CNTN3: variants seen among roughly 807,000 people sequenced by gnomAD.
The protein encoded by CNTN3 is contactin-3.
Under a neutral mutation model 119.1 loss-of-function variants are expected in CNTN3, and 60 were observed. That is an observed-to-expected ratio of 0.50 (90% CI 0.41 to 0.62). The LOEUF is 0.62. CNTN3 is among the 20% of genes least tolerant of loss of function. CNTN3 has a pLI of 0.00. For synonymous variants in CNTN3, 450 were observed against 438.7 expected (o/e 1.03, Z -0.32); for missense variants, 1,101 against 1,242.4 (o/e 0.89, Z 1.71).
intron 5 of CNTN3, among the ~76,000 whole-genome samples, chr3:74,400,325 A>G (rs1400735629): frequency 6.6e-6 from 1 of 152,154 alleles, no homozygotes; most frequent in African/African-American, 2.4e-5. Context: ...GGGAACACCA[A>G]AGTTCAGAGC....
At chr3:74,525,644 C>T (rs189245927) in intron 1 of CNTN3, among the ~76,000 whole-genome samples, 1 of 151,952 alleles carries the variant, frequency 6.6e-6, no homozygotes, top group African/African-American at 2.4e-5. Context: ...ATTTTCCGTG[C>T]TAATAGACAT....
chr3:74,298,195 T>C lies in CNTN3; in HGVS notation c.2167-4A>G, dbSNP rs1702380638. The C allele has an allele frequency of 6.4e-7, 1 of 1,559,946 alleles. No individual in the cohort carries two copies. Among genetic ancestry groups the C allele is most frequent in the Non-Finnish European group, 8.7e-7 (1 of 1,149,890 alleles). ...TCTGTAGTTCTTCAGGGACTGGCTA[T>C]AAAGGAAAGACATACTGAATCACCC... On this transcript the variant is annotated splice_region_variant and splice_polypyrimidine_tract_variant and intron_variant, in intron 17 of 22. Coordinates refer to ENST00000263665, the MANE Select transcript of CNTN3 (RefSeq NM_020872.3).
intron 2 of CNTN3, among the ~76,000 whole-genome samples, chr3:74,514,777 G>A (rs1332177654): frequency 2.0e-5 from 3 of 152,044 alleles, no homozygotes; most frequent in Non-Finnish European, 4.4e-5. Context: ...ACTATGCATT[G>A]TCTCAGACTT....
intron 4 of CNTN3, among the ~76,000 whole-genome samples, chr3:74,478,022 T>C (rs1475952726): frequency 6.6e-6 from 1 of 152,130 alleles, no homozygotes; most frequent in Non-Finnish European, 1.5e-5. Flanking sequence ...TCCTGAAATA[T>C]TCCCAAACTA....
intron 5 of CNTN3, among the ~76,000 whole-genome samples, chr3:74,372,373 C>A (rs1474336538): frequency 6.6e-6 from 1 of 151,970 alleles, no homozygotes; most frequent in Admixed American, 6.6e-5. Context: ...CAGTTTTCTG[C>A]AAAGGAACCA....
intron 13 of CNTN3, among the ~76,000 whole-genome samples, chr3:74,307,449 T>G (rs862823): frequency 6.6e-6 from 1 of 151,934 alleles, no homozygotes; most frequent in African/African-American, 2.4e-5. Context: ...GTAAATGGAT[T>G]TGTAAGCCAA....
chr3:74,391,086 C>T (rs1055084666), intron 5 of CNTN3, among the ~76,000 whole-genome samples: 2 of 152,044 alleles, frequency 1.3e-5, no homozygotes, highest in African/African-American at 4.8e-5. Flanking sequence ...TTTGGCAGCC[C>T]CATAAAACAT....
chr3:74,395,624 T>C (rs1391673879), intron 5 of CNTN3, among the ~76,000 whole-genome samples: 1 of 152,254 alleles, frequency 6.6e-6, no homozygotes, highest in Non-Finnish European at 1.5e-5. Flanking sequence ...AAAAGTGGGA[T>C]AATACTCCTT....
rs548001121 is a variant in CNTN3, at chr3:74,450,750, A to T, written c.359-25810T>A. ...ATTGCTCAATTCCCACCTATGAGTGAGAATATGCAGTGTTTGGTTTTTTGT... is the reference window on the plus strand; with the variant it reads ...ATTGCTCAATTCCCACCTATGAGTGTGAATATGCAGTGTTTGGTTTTTTGT... On this transcript the variant is annotated intron_variant, in intron 4 of 22. Transcript: ENST00000263665. Among the ~76,000 whole-genome samples the T allele has an allele frequency of 2.1e-3, 308 of 144,644 alleles. 1 individual carries two copies. Among genetic ancestry groups the T allele is most frequent in the African/African-American group, 7.5e-3 (292 of 38,962 alleles). The allele number at this position is 144,644 out of a possible 152,430, so 94.9% of individuals were successfully genotyped here.
chr3:74,495,623 A>G (rs933808520), intron 3 of CNTN3, among the ~76,000 whole-genome samples: 26 of 151,966 alleles, frequency 1.7e-4, no homozygotes, highest in African/African-American at 5.6e-4. Context: ...AATGGTTAGC[A>G]GAATTTAGCA....
intron 13 of CNTN3, among the ~76,000 whole-genome samples, chr3:74,315,817 G>A (rs370821013): frequency 9.2e-5 from 14 of 151,960 alleles, no homozygotes; most frequent in East Asian, 1.9e-4. Context: ...AAGTCACGAC[G>A]GATTAAAGAC....
At chr3:74,430,695 C>T (rs1701769024) in intron 4 of CNTN3, among the ~76,000 whole-genome samples, 1 of 152,056 alleles carries the variant, frequency 6.6e-6, no homozygotes, top group Non-Finnish European at 1.5e-5. Context: ...CTTGTGGGAC[C>T]TGAACTGTCC....
chr3:74,501,335 G>A (rs969800200), intron 2 of CNTN3, among the ~76,000 whole-genome samples: 8 of 151,892 alleles, frequency 5.3e-5, no homozygotes, highest in Admixed American at 4.6e-4. Flanking sequence ...CTCTAGACAC[G>A]GAGGCTCAAC....
intron 4 of CNTN3, among the ~76,000 whole-genome samples, chr3:74,430,763 A>G (rs1701770377): frequency 6.6e-6 from 1 of 152,154 alleles, no homozygotes; most frequent in Non-Finnish European, 1.5e-5. Flanking sequence ...TTAGAACTAA[A>G]TACACATACA....
At chr3:74,309,351 C>T (rs532321) in intron 13 of CNTN3, among the ~76,000 whole-genome samples, 53,277 of 151,872 alleles carry the variant, frequency 0.35, 10,595 homozygotes, top group East Asian at 0.72. Flanking sequence ...GTGATCCACC[C>T]GCCTTGGCCA....
At chr3:74,364,340 G>A (rs926433170) in intron 10 of CNTN3, 127 bp downstream of exon 10, 80 of 831,408 alleles carry the variant, frequency 9.6e-5, no homozygotes, top group East Asian at 6.3e-4. Context: ...CTGAATGATC[G>A]TGTTGTAATA....
intron 1 of CNTN3, among the ~76,000 whole-genome samples, chr3:74,586,901 C>T (rs1433331712): frequency 6.6e-6 from 1 of 151,930 alleles, no homozygotes; most frequent in Non-Finnish European, 1.5e-5. Context: ...TTAGGGAACA[C>T]CGAGGTATCT....
In CNTN3 at chr3:74,479,326, G is replaced by GT. The variant is rs561050693; in HGVS notation, c.358+7129dup. 9.1e-4 allele frequency among the ~76,000 whole-genome samples: 139 copies of GT among 152,162 alleles called. 1 individual carries two copies. The highest frequency in any genetic ancestry group is 6.8e-3 in the Middle Eastern group (2 of 294). On this transcript the variant is annotated intron_variant, in intron 4 of 22. Coordinates refer to ENST00000263665, the MANE Select transcript of CNTN3 (RefSeq NM_020872.3). ...GTTAGGTTGGTGCAAAAGTAACTGTGTTTTTTGCCATAATAGAAAACTAGG... is the reference window on the plus strand; with the variant it reads ...GTTAGGTTGGTGCAAAAGTAACTGTGTTTTTTTGCCATAATAGAAAACTAGG...
chr3:74,553,482 C>A (rs991634730), intron 1 of CNTN3, among the ~76,000 whole-genome samples: 2 of 152,138 alleles, frequency 1.3e-5, no homozygotes, highest in African/African-American at 4.8e-5. Context: ...AATGGTATTT[C>A]TAGTTCTAGA....
Sources: gnomAD v4.1 joint callset for allele counts (sites outside exome capture counted in the v4.1 genomes callset) on GRCh38, gnomAD v4.1.1 for gene constraint, MANE v1.5 for transcripts, NCBI Gene and HGNC (gene_info 2026-07-23, HGNC 2026-07-21) for gene names.